The following GNG7 variants were observed in gnomAD, a reference collection of about 807,000 sequenced individuals.
GNG7 encodes the protein G protein subunit gamma 7, also known as guanine nucleotide-binding protein G(I)/G(S)/G(O) subunit gamma-7.
Under a neutral mutation model 4.0 loss-of-function variants are expected in GNG7, and 1 was observed. The observed-to-expected ratio is 0.25, with a 90% CI of 0.09 to 1.18. The LOEUF (loss-of-function observed/expected upper bound fraction) is 1.18, where lower values mean the gene tolerates loss of function less well. GNG7 is among the 50% of genes most tolerant of loss of function. GNG7 has a pLI of 0.50. For synonymous variants in GNG7, 34 were observed against 36.9 expected, an observed-to-expected ratio of 0.92 and a Z score of 0.29; for missense variants, 86 against 91.9, an observed-to-expected ratio of 0.94 and a Z score of 0.26.
intron 1 of GNG7, among the ~76,000 whole-genome samples, chr19:2,670,285 C>T (rs1386484958): frequency 2.0e-5 from 3 of 152,200 alleles, no homozygotes; most frequent in Non-Finnish European, 4.4e-5. Context: ...GGAAGGAGCA[C>T]CAGTGGGGAT....
chr19:2,622,014 T>C (rs1464082584), intron 2 of GNG7, among the ~76,000 whole-genome samples: 1 of 151,982 alleles, frequency 6.6e-6, no homozygotes, highest in Non-Finnish European at 1.5e-5. Context: ...CCTTCCTTCA[T>C]GCTGATCACC....
intron 1 of GNG7, among the ~76,000 whole-genome samples, chr19:2,658,605 A>G (rs1044179698): frequency 1.3e-5 from 2 of 152,174 alleles, no homozygotes; most frequent in Non-Finnish European, 2.9e-5. Flanking sequence ...AAATTTTGAC[A>G]TGGGCTAGAG....
chr19:2,598,850 G>T (rs1487562768), intron 2 of GNG7, among the ~76,000 whole-genome samples: 1 of 151,202 alleles, frequency 6.6e-6, no homozygotes, highest in African/African-American at 2.5e-5. Flanking sequence ...CACGGAAAAA[G>T]AAAGCTTATG....
rs887318330 is a variant in GNG7 at position 2,609,219 on chromosome 19, G to T, written c.-78+37005C>A. 6.6e-6 allele frequency among the ~76,000 whole-genome samples: 1 copy of T among 151,998 alleles called. No homozygotes were observed. The highest frequency in any genetic ancestry group is 1.5e-5 in the Non-Finnish European group (1 of 67,998). ...TTTTTAATTTTTCGTAGAGATGGGG[G>T]TCTCACTATGTTGCCAAGGCTGGTC... On this transcript the variant is annotated intron_variant, in intron 2 of 4. Coordinates refer to ENST00000382159, the MANE Select transcript of GNG7 (RefSeq NM_052847.3). The surrounding 1 kb of genome is among the most constrained non-coding windows in gnomAD (Gnocchi z 4.4).
chr19:2,558,988 G>C (rs998442503), intron 2 of GNG7, among the ~76,000 whole-genome samples: 1 of 151,670 alleles, frequency 6.6e-6, no homozygotes, highest in East Asian at 1.9e-4. Flanking sequence ...CAGTAGAGAC[G>C]GGGTTTCACC....
chr19:2,637,000 C>CCACCTGCACCTCCAACTCCACTTGTCCT (rs1982326685), intron 2 of GNG7, among the ~76,000 whole-genome samples: 1 of 151,922 alleles, frequency 6.6e-6, no homozygotes, highest in African/African-American at 2.4e-5. Context: ...ACCTCTGTCC[C>CCACCTGCACCTCCAACTCCACTTGTCCT]CACCTGCACC....
At chr19:2,537,893 C>T (rs1008322106) in intron 3 of GNG7, among the ~76,000 whole-genome samples, 7 of 151,886 alleles carry the variant, frequency 4.6e-5, no homozygotes, top group East Asian at 2.0e-4. Flanking sequence ...CTGGCCAACA[C>T]GGTGAAACCC....
intron 2 of GNG7, among the ~76,000 whole-genome samples, chr19:2,568,417 GAC>G (rs1980013572): frequency 7.1e-6 from 1 of 140,582 alleles, no homozygotes; most frequent in African/African-American, 2.7e-5. Context: ...TATACACATA[GAC>G]ATACACACAT....
intron 2 of GNG7, among the ~76,000 whole-genome samples, chr19:2,567,331 T>TTGTG (rs3221748): frequency 3.1e-4 from 43 of 137,172 alleles, no homozygotes; most frequent in Non-Finnish European, 5.8e-4. Context: ...TGTCGTCGAT[T>TTGTG]TGTGTGTGTG....
intron 2 of GNG7, among the ~76,000 whole-genome samples, chr19:2,571,823 T>C (rs1980158596): frequency 6.6e-6 from 1 of 151,910 alleles, no homozygotes; most frequent in East Asian, 1.9e-4. Flanking sequence ...CTCGAACTCC[T>C]GACCTCAGGT....
At chr19:2,597,724 G>A (rs1459527347) in intron 2 of GNG7, among the ~76,000 whole-genome samples, 12 of 149,518 alleles carry the variant, frequency 8.0e-5, no homozygotes, top group Admixed American at 5.4e-4. Context: ...GTGAAACCCC[G>A]TCTCTACTAA....
Position 2,634,823 on chromosome 19 carries a change from C to G in GNG7, c.-78+11401G>C, listed in dbSNP as rs1364134511. On this transcript the variant is annotated intron_variant, in intron 2 of 4. Transcript: ENST00000382159. This position sits in a 1 kb window ranked among gnomAD's most constrained non-coding sequence, Gnocchi z 5.3. Reference sequence around the variant, plus strand: ...GACTGGCCGCGGGGACTGGAGTTTGCTTACCACACAAGAGCCCTTCTCAGG... The same window carrying G: ...GACTGGCCGCGGGGACTGGAGTTTGGTTACCACACAAGAGCCCTTCTCAGG... Among the ~76,000 whole-genome samples, 3 of 151,918 alleles carry G rather than the reference C, an allele frequency of 2.0e-5. No individual in the cohort carries two copies. The highest frequency in any genetic ancestry group is 2.9e-5 in the Non-Finnish European group (2 of 67,994).
intron 2 of GNG7, among the ~76,000 whole-genome samples, chr19:2,636,173 A>G (rs1011879246): frequency 1.3e-5 from 2 of 152,012 alleles, no homozygotes; most frequent in Non-Finnish European, 2.9e-5. Context: ...AATCAGGGTA[A>G]CTCCAGCTCC....
intron 2 of GNG7, among the ~76,000 whole-genome samples, chr19:2,565,339 G>A (rs946914219): frequency 2.2e-4 from 33 of 151,984 alleles, no homozygotes; most frequent in African/African-American, 5.3e-4. Context: ...GTGAAACCCC[G>A]TCTCTACTAA....
At chr19:2,682,850 G>A (rs956022012) in intron 1 of GNG7, among the ~76,000 whole-genome samples, 12 of 151,858 alleles carry the variant, frequency 7.9e-5, no homozygotes, top group African/African-American at 2.9e-4. Context: ...AGGGGCAATC[G>A]GAAACCTGCA....
intron 2 of GNG7, among the ~76,000 whole-genome samples, chr19:2,580,794 T>G (rs1006566209): frequency 1.3e-5 from 2 of 151,580 alleles, no homozygotes; most frequent in African/African-American, 4.9e-5. Context: ...AGACAGAGTC[T>G]TAGTCTGTCT....
chr19:2,542,520 C>T (rs1239758649), intron 3 of GNG7, among the ~76,000 whole-genome samples: 2 of 152,122 alleles, frequency 1.3e-5, no homozygotes, highest in Admixed American at 6.6e-5. Flanking sequence ...CAGGAAGAAC[C>T]TGAATGAGCT....
In GNG7 at chr19:2,520,723, G is replaced by A; in HGVS notation, c.-35C>T. The A allele has an allele frequency of 1.6e-6, 2 of 1,263,128 alleles. No homozygotes were observed. The highest frequency in any genetic ancestry group is 2.3e-6 in the Non-Finnish European group (2 of 884,652). The allele number at this position is 1,263,128 out of a possible 1,614,324, so 78.2% of individuals were successfully genotyped here. On this transcript the variant is annotated splice_region_variant and 5_prime_UTR_variant, in exon 4 of 5. Coordinates refer to ENST00000382159, the MANE Select transcript of GNG7 (RefSeq NM_052847.3). The stretch of plus-strand genomic sequence containing the variant: ...TCAGCTCTGGGCCCCGTTGTTCAGA[G>A]AGCTGTGGGGGAAGCAGAGGGGTGT...
intron 2 of GNG7, among the ~76,000 whole-genome samples, chr19:2,569,759 C>T (rs753792241): frequency 6.6e-6 from 1 of 152,158 alleles, no homozygotes; most frequent in Non-Finnish European, 1.5e-5. Context: ...CAAGAGCATC[C>T]CCATCGGGAC....
Sources: gnomAD v4.1 joint callset for allele counts (sites outside exome capture counted in the v4.1 genomes callset) on GRCh38, gnomAD v4.1.1 for gene constraint, Gnocchi (gnomAD v3.1) non-coding constraint, MANE v1.5 for transcripts, NCBI Gene and HGNC (gene_info 2026-07-23, HGNC 2026-07-21) for gene names.